The following GLIPR1L2 variants were observed in gnomAD, a reference collection of about 807,000 sequenced individuals.
GLIPR1L2 encodes the protein GLIPR1 like 2.
In GLIPR1L2, 21 loss-of-function variants were observed where a neutral mutation model predicts 28.4. That is an observed-to-expected ratio of 0.74 (90% confidence interval 0.52 to 1.06). The LOEUF is 1.06. GLIPR1L2 is among the 50% of genes least tolerant of loss of function. GLIPR1L2 has a pLI of 0.00. For missense variants in GLIPR1L2, 476 were observed against 416.9 expected, an observed-to-expected ratio of 1.14 and a Z score of -1.23; for synonymous variants, 145 against 139.3, an observed-to-expected ratio of 1.04 and a Z score of -0.29.
chr12:75,427,359 A>T (rs888222787), intron 4 of GLIPR1L2, among the ~76,000 whole-genome samples: 1 of 152,226 alleles, frequency 6.6e-6, no homozygotes, highest in Non-Finnish European at 1.5e-5. Flanking sequence ...TACAAACTAT[A>T]TGACAAAAGA....
At chr12:75,405,747 C>T (rs895066981) in intron 1 of GLIPR1L2, among the ~76,000 whole-genome samples, 8 of 152,104 alleles carry the variant, frequency 5.3e-5, no homozygotes, top group South Asian at 2.1e-4. Context: ...CTCACTCTTT[C>T]GGCCTTCAAC....
intron 1 of GLIPR1L2, among the ~76,000 whole-genome samples, chr12:75,402,404 A>T (rs985032520): frequency 2.0e-5 from 3 of 152,338 alleles, no homozygotes; most frequent in African/African-American, 7.2e-5. Flanking sequence ...TCATTTTAGA[A>T]ATCTAGAATA....
At chr12:75,423,808 A>G (rs2046005044) in intron 4 of GLIPR1L2, 2 of 152,208 alleles carry the variant, frequency 1.3e-5, no homozygotes, top group Admixed American at 6.5e-5. Context: ...ATGAGTGAGA[A>G]CATGCAGTGT....
intron 1 of GLIPR1L2, among the ~76,000 whole-genome samples, chr12:75,399,686 T>A (rs2045718566): frequency 6.6e-6 from 1 of 152,248 alleles, no homozygotes; most frequent in Non-Finnish European, 1.5e-5. Flanking sequence ...GTCAGTTTTT[T>A]AAATCTACAT....
rs1186276131 is a variant in GLIPR1L2 at position 75,423,024 on chromosome 12, T to G, written c.670+35T>G. The stretch of plus-strand genomic sequence containing the variant: ...AGAAAATAAACATGAAAAAAATGCA[T>G]AATGGATTGGACAAGAAAAATAAGC... On this transcript the variant is annotated intron_variant, in intron 4 of 5. Coordinates refer to ENST00000550916, the MANE Select transcript of GLIPR1L2 (RefSeq NM_001270396.2). 6.3e-7 allele frequency: 1 copy of G among 1,595,520 alleles called. No homozygotes were observed. Among genetic ancestry groups the G allele is most frequent in the African/African-American group, 1.4e-5 (1 of 72,276 alleles).
chr12:75,428,575 A>G (rs1286674669), intron 4 of GLIPR1L2, among the ~76,000 whole-genome samples: 2 of 152,174 alleles, frequency 1.3e-5, no homozygotes, highest in African/African-American at 4.8e-5. Flanking sequence ...AAATTTGCAT[A>G]AGTAACAAGG....
intron 3 of GLIPR1L2, among the ~76,000 whole-genome samples, chr12:75,419,814 A>T (rs1025168455): frequency 1.3e-5 from 2 of 152,212 alleles, no homozygotes; most frequent in Non-Finnish European, 2.9e-5. Context: ...AGACAGAAAA[A>T]CAACAGAGTT....
chr12:75,415,635 C>T (rs571365445), intron 3 of GLIPR1L2, among the ~76,000 whole-genome samples: 4 of 152,194 alleles, frequency 2.6e-5, no homozygotes, highest in South Asian at 4.1e-4. Context: ...GTACCTGCTT[C>T]CAAGCTCATT....
intron 3 of GLIPR1L2, among the ~76,000 whole-genome samples, chr12:75,421,907 A>G (rs1223377440): frequency 6.6e-6 from 1 of 152,146 alleles, no homozygotes; most frequent in Non-Finnish European, 1.5e-5. Context: ...TATCATTTCT[A>G]TGAAACTTTT....
intron 1 of GLIPR1L2, among the ~76,000 whole-genome samples, chr12:75,395,577 G>A (rs905614597): frequency 3.3e-5 from 5 of 151,448 alleles, no homozygotes; most frequent in African/African-American, 4.8e-5. Context: ...ACTCCATCTG[G>A]TTCTGGGCTT....
intron 3 of GLIPR1L2, among the ~76,000 whole-genome samples, chr12:75,418,644 A>G (rs546064752): frequency 1.2e-4 from 19 of 152,054 alleles, no homozygotes; most frequent in African/African-American, 4.6e-4. Context: ...TTTGCTTAGG[A>G]TTGTCTTGGC....
At position 75,422,997 on chromosome 12, in the gene GLIPR1L2, A is replaced by C; in HGVS notation, c.670+8A>C. ...GCACAGATTTTCTATGCAGTAAGAT[A>C]AAGAAAATAAACATGAAAAAAATGC... On this transcript the variant is annotated splice_region_variant and intron_variant, in intron 4 of 5. Transcript: ENST00000550916. 1.2e-6 allele frequency: 2 copies of C among 1,611,208 alleles called. No individual in the cohort carries two copies. The highest frequency in any genetic ancestry group is 1.7e-6 in the Non-Finnish European group (2 of 1,178,316).
At chr12:75,425,915 G>C (rs1049881860) in intron 4 of GLIPR1L2, among the ~76,000 whole-genome samples, 19 of 151,872 alleles carry the variant, frequency 1.3e-4, no homozygotes, top group African/African-American at 4.6e-4. Context: ...TTTAAGTGTT[G>C]GAAATTAAGA....
chr12:75,391,847 CT>C (rs1352476863), intron 1 of GLIPR1L2, among the ~76,000 whole-genome samples: 12 of 150,246 alleles, frequency 8.0e-5, no homozygotes, highest in African/African-American at 2.9e-4. Context: ...GTCACATTAG[CT>C]TTGCCTTTTA....
At chr12:75,411,258 T>C (rs544460551) in intron 2 of GLIPR1L2, among the ~76,000 whole-genome samples, 2 of 151,966 alleles carry the variant, frequency 1.3e-5, no homozygotes, top group South Asian at 4.1e-4. Context: ...GGACCTTACC[T>C]TTTCATCCAT....
chr12:75,403,743 C>A (rs536579799), intron 1 of GLIPR1L2, among the ~76,000 whole-genome samples: 1 of 152,046 alleles, frequency 6.6e-6, no homozygotes, highest in African/African-American at 2.4e-5. Flanking sequence ...AACCCCCTAC[C>A]TCCTTCATCC....
In GLIPR1L2 at chr12:75,430,879, A is replaced by G. The variant is rs2046084984; in HGVS notation, c.753A>G (p.Pro251=). 1 of 1,535,762 alleles carries G rather than the reference A, an allele frequency of 6.5e-7. No individual in the cohort carries two copies. Among genetic ancestry groups the G allele is most frequent in the Admixed American group, 2.0e-5 (1 of 50,966 alleles). The change falls in exon 6 of 6, where the codon CCA becomes CCG. Residue 251 remains proline, a synonymous_variant. Coordinates refer to ENST00000550916, the MANE Select transcript of GLIPR1L2 (RefSeq NM_001270396.2). ...TGCCCCGGCCAGTTGTGTGTGATCC[A>G]CTGTGCACATTCATTTTATTATTGA... ...WEMPRPVVCD[P]LCTFILLLRI... is the part of the protein sequence containing the mutation.
At chr12:75,409,565 G>GTGTATATA (rs1555232633) in intron 1 of GLIPR1L2, among the ~76,000 whole-genome samples, 36,074 of 143,212 alleles carry the variant, frequency 0.25, 5,080 homozygotes, top group East Asian at 0.43. Flanking sequence ...GGGTGTGTGT[G>GTGTATATA]TATATATATA....
Position 75,409,556 on chromosome 12 carries a change from G to GGTAT in GLIPR1L2, c.235-876_235-875insATGT, listed in dbSNP as rs1555232623. Reference sequence around the variant, plus strand: ...ACCATGTGTTAAAAGATTTTTTTTGGGTGTGTGTGTATATATATATATACA... The same window carrying GGTAT: ...ACCATGTGTTAAAAGATTTTTTTTGGGTATGTGTGTGTGTATATATATATATACA... On this transcript the variant is annotated intron_variant, in intron 1 of 5. Transcript: ENST00000550916. Among the ~76,000 whole-genome samples, 4 of 97,478 alleles carry GGTAT rather than the reference G, an allele frequency of 4.1e-5. No individual in the cohort carries two copies. In the Admixed American group the frequency reaches 4.5e-4, roughly 11 times the overall value. The allele number at this position is 97,478 out of a possible 152,430, so 63.9% of individuals were successfully genotyped here. A position where few individuals can be genotyped will look rare whatever the true frequency, so the allele number is the denominator to read the frequency against.
Sources: allele counts gnomAD v4.1 joint callset (sites outside exome capture counted in the v4.1 genomes callset), GRCh38; gene constraint gnomAD v4.1.1; transcripts MANE v1.5; gene names NCBI Gene and HGNC (gene_info 2026-07-23, HGNC 2026-07-21).